EPHA3: variants seen among roughly 807,000 people sequenced by gnomAD.
EPHA3 encodes the protein EPH receptor A3, also known as ephrin type-A receptor 3.
A neutral mutation model predicts 107.1 loss-of-function variants in EPHA3; 42 were observed. That is an observed-to-expected ratio of 0.39 (90% confidence interval 0.31 to 0.51). EPHA3 has a LOEUF of 0.51. EPHA3 is among the 20% of genes least tolerant of loss of function. The pLI is 0.78. For missense variants in EPHA3, 1,183 were observed against 1,211.2 expected, an observed-to-expected ratio of 0.98 and a Z score of 0.35; for synonymous variants, 461 against 424.8, an observed-to-expected ratio of 1.09 and a Z score of -1.05.
chr3:89,296,391 G>A (rs55688279), intron 3 of EPHA3, among the ~76,000 whole-genome samples: 91 of 152,144 alleles, frequency 6.0e-4, no homozygotes, highest in Admixed American at 4.6e-4. Context: ...ATGTTAACAC[G>A]CATGGAAAAT....
intron 3 of EPHA3, among the ~76,000 whole-genome samples, chr3:89,340,470 C>CT (rs1707493923): frequency 6.6e-6 from 1 of 152,204 alleles, no homozygotes; most frequent in African/African-American, 2.4e-5. Flanking sequence ...GTTGCTTACA[C>CT]TTTGTGGGAC....
intron 2 of EPHA3, among the ~76,000 whole-genome samples, chr3:89,148,980 C>G (rs1704631519): frequency 6.6e-6 from 1 of 151,758 alleles, no homozygotes; most frequent in African/African-American, 2.4e-5. Context: ...CCTGAGAATA[C>G]CGAGTCAGAG....
intron 2 of EPHA3, among the ~76,000 whole-genome samples, chr3:89,161,676 A>G (rs1412487981): frequency 6.6e-6 from 1 of 152,070 alleles, no homozygotes; most frequent in Non-Finnish European, 1.5e-5. Flanking sequence ...TATAATTTTT[A>G]TTATTTTAAA....
At chr3:89,419,474 G>T in intron 11 of EPHA3, 84 bp downstream of exon 11, 1 of 1,323,328 alleles carries the variant, frequency 7.6e-7, no homozygotes, top group Non-Finnish European at 1.0e-6. Context: ...TAAGAATTTT[G>T]GCTTTTTTTC....
At chr3:89,115,894 C>T (rs911471153) in intron 1 of EPHA3, among the ~76,000 whole-genome samples, 2 of 152,198 alleles carry the variant, frequency 1.3e-5, no homozygotes, top group African/African-American at 4.8e-5. Context: ...TCAGGAAAAG[C>T]ACTAGCTTCT....
intron 2 of EPHA3, among the ~76,000 whole-genome samples, chr3:89,179,705 T>C (rs1705397706): frequency 1.3e-5 from 2 of 150,242 alleles, no homozygotes; most frequent in Non-Finnish European, 3.0e-5. Context: ...ATGTGGACAA[T>C]GAAATCCTTG....
chr3:89,392,950 A>G (rs1050237177), intron 5 of EPHA3, among the ~76,000 whole-genome samples: 5 of 152,112 alleles, frequency 3.3e-5, no homozygotes, highest in African/African-American at 1.2e-4. Context: ...TGCCCAGAGA[A>G]TTTGTCTCTT....
At chr3:89,222,994 T>G (rs1371589809) in intron 3 of EPHA3, among the ~76,000 whole-genome samples, 1 of 152,174 alleles carries the variant, frequency 6.6e-6, no homozygotes, top group Non-Finnish European at 1.5e-5. Context: ...TGTTAAATAT[T>G]TCTTAGTCTT....
intron 3 of EPHA3, among the ~76,000 whole-genome samples, chr3:89,229,721 T>TA (rs1238377992): frequency 6.6e-6 from 1 of 151,764 alleles, no homozygotes; most frequent in African/African-American, 2.4e-5. Context: ...TGTTCAAACA[T>TA]AAAAAATATA....
At chr3:89,376,315 G>A (rs1708401976) in intron 5 of EPHA3, among the ~76,000 whole-genome samples, 1 of 151,498 alleles carries the variant, frequency 6.6e-6, no homozygotes, top group African/African-American at 2.4e-5. Flanking sequence ...ATTAGTAATT[G>A]AGCTTTATGT....
intron 13 of EPHA3, among the ~76,000 whole-genome samples, chr3:89,441,413 T>C (rs1212009384): frequency 1.3e-5 from 2 of 152,224 alleles, no homozygotes; most frequent in East Asian, 3.8e-4. Flanking sequence ...TTTTCTGAAA[T>C]ACATAAATAT....
chr3:89,313,633 G>T (rs573748910), intron 3 of EPHA3, among the ~76,000 whole-genome samples: 1 of 151,840 alleles, frequency 6.6e-6, no homozygotes, highest in South Asian at 2.1e-4. Flanking sequence ...GTCCTCTGTA[G>T]GTTCCATGCT....
chr3:89,317,743 T>C lies in EPHA3; in HGVS notation c.815-23173T>C, dbSNP rs558712816. Among the ~76,000 whole-genome samples, 48 of 151,906 alleles carry C rather than the reference T, an allele frequency of 3.2e-4. No homozygotes were observed. In the East Asian group the frequency reaches 8.9e-3, roughly 28 times the overall value. On this transcript the variant is annotated intron_variant, in intron 3 of 16. Transcript: ENST00000336596. ...TTCTATCCATTCAATATATAAAAGT[T>C]AGCCTAGACACTTTTATGGAATATT...
intron 3 of EPHA3, among the ~76,000 whole-genome samples, chr3:89,217,412 A>G (rs1704245738): frequency 6.6e-6 from 1 of 151,864 alleles, no homozygotes; most frequent in Non-Finnish European, 1.5e-5. Context: ...AAAAACAAAA[A>G]CAAAAACAAA....
intron 2 of EPHA3, among the ~76,000 whole-genome samples, chr3:89,186,968 A>C (rs1206654241): frequency 1.3e-5 from 2 of 151,942 alleles, no homozygotes; most frequent in Non-Finnish European, 2.9e-5. Flanking sequence ...CAAAATGATG[A>C]CTGCTTTTAT....
intron 5 of EPHA3, among the ~76,000 whole-genome samples, chr3:89,382,452 G>A (rs1708530357): frequency 6.7e-6 from 1 of 149,510 alleles, no homozygotes; most frequent in South Asian, 2.1e-4. Context: ...AGGCTGCTAT[G>A]AGCTAAGATC....
chr3:89,344,525 T>G (rs2107426118), intron 5 of EPHA3, among the ~76,000 whole-genome samples: 1 of 152,278 alleles, frequency 6.6e-6, no homozygotes, highest in South Asian at 2.1e-4. Flanking sequence ...ATCTCCAGGG[T>G]AAGATATATA....
intron 2 of EPHA3, among the ~76,000 whole-genome samples, chr3:89,150,778 AAC>A (rs1704674264): frequency 6.6e-6 from 1 of 152,100 alleles, no homozygotes; most frequent in Non-Finnish European, 1.5e-5. Flanking sequence ...GTACCTTTAG[AAC>A]ACTTGTAATT....
intron 6 of EPHA3, 22 bp downstream of exon 6, chr3:89,395,983 G>T: frequency 6.2e-7 from 1 of 1,612,046 alleles, no homozygotes; most frequent in Admixed American, 1.7e-5. Context: ...ATGTTTAAGG[G>T]TTGGGCTGTG....
Sources: gnomAD v4.1 joint callset for allele counts (sites outside exome capture counted in the v4.1 genomes callset) on GRCh38, gnomAD v4.1.1 for gene constraint, MANE v1.5 for transcripts, NCBI Gene and HGNC (gene_info 2026-07-23, HGNC 2026-07-21) for gene names.